SH3PXD2A: variants seen among roughly 807,000 people sequenced by gnomAD.
The protein encoded by SH3PXD2A is SH3 and PX domains 2A.
In SH3PXD2A, 32 loss-of-function variants were observed where a neutral mutation model predicts 115.2. The ratio of observed to expected loss-of-function variants is 0.28; its 90% CI spans 0.21 to 0.37. The LOEUF is 0.37. SH3PXD2A is among the 10% of genes least tolerant of loss of function. The pLI, the probability that SH3PXD2A is intolerant of heterozygous loss-of-function variation, is 1.00. For synonymous variants in SH3PXD2A, 610 were observed against 629.1 expected (o/e 0.97, Z 0.45); for missense variants, 1,328 against 1,498.7 (o/e 0.89, Z 1.88).
chr10:103,610,655 A>C (rs980549536), intron 13 of SH3PXD2A, among the ~76,000 whole-genome samples: 1 of 152,178 alleles, frequency 6.6e-6, no homozygotes, highest in Non-Finnish European at 1.5e-5. Context: ...TGACTTCAGA[A>C]TCCTCCTTAA....
At chr10:103,807,186 T>C (rs2039213497) in intron 1 of SH3PXD2A, among the ~76,000 whole-genome samples, 1 of 152,200 alleles carries the variant, frequency 6.6e-6, no homozygotes, top group Admixed American at 6.5e-5. Flanking sequence ...TGTCCATGAT[T>C]TGATCTGGTC....
chr10:103,636,379 A>C (rs553424810), intron 8 of SH3PXD2A, among the ~76,000 whole-genome samples: 8 of 151,144 alleles, frequency 5.3e-5, no homozygotes, highest in African/African-American at 1.9e-4. Context: ...ACTGCACTCC[A>C]GCCTGGGTGA....
In SH3PXD2A at chr10:103,702,156, ACCATCCATCCACCAT is replaced by A. The variant is rs567867075; in HGVS notation, c.399-9115_399-9101del. On this transcript the variant is annotated intron_variant, in intron 5 of 14. Coordinates refer to ENST00000369774, the MANE Select transcript of SH3PXD2A (RefSeq NM_001394015.1). The stretch of plus-strand genomic sequence containing the variant: ...TCTACCATTCACCCATCATCCATTC[ACCATCCATCCACCAT>A]CCATCCATCCATCATTCATCCACCA... Among the ~76,000 whole-genome samples, 82 of 147,376 alleles carry A rather than the reference ACCATCCATCCACCAT, an allele frequency of 5.6e-4. No homozygotes were observed. In the East Asian group the frequency reaches 0.014, roughly 26 times the overall value.
chr10:103,745,339 A>G (rs974871069), intron 3 of SH3PXD2A, among the ~76,000 whole-genome samples: 8 of 152,188 alleles, frequency 5.3e-5, no homozygotes, highest in Admixed American at 2.6e-4. Context: ...TTCTTAAGCC[A>G]GATTGAGATG....
intron 3 of SH3PXD2A, among the ~76,000 whole-genome samples, chr10:103,750,549 C>A (rs963231064): frequency 6.6e-6 from 1 of 152,114 alleles, no homozygotes; most frequent in African/African-American, 2.4e-5. Context: ...ATGGACAGGG[C>A]GAGAGTCTGC....
chr10:103,723,222 AC>A (rs1321580139), intron 5 of SH3PXD2A, among the ~76,000 whole-genome samples: 1 of 151,948 alleles, frequency 6.6e-6, no homozygotes, highest in Non-Finnish European at 1.5e-5. Context: ...TGTAGTAGCC[AC>A]CCCATCTGCC....
chr10:103,674,454 A>G (rs2037502209), intron 6 of SH3PXD2A, among the ~76,000 whole-genome samples: 1 of 152,220 alleles, frequency 6.6e-6, no homozygotes, highest in Non-Finnish European at 1.5e-5. Flanking sequence ...CTGAGGCGTA[A>G]CAGTGAAAGC....
chr10:103,795,044 T>G (rs564108781), intron 2 of SH3PXD2A, among the ~76,000 whole-genome samples: 1 of 152,134 alleles, frequency 6.6e-6, no homozygotes, highest in Admixed American at 6.5e-5. Flanking sequence ...CTGTTGTGTG[T>G]TCAAAGTTGT....
At chr10:103,744,155 T>TTTTA (rs2134195483) in intron 3 of SH3PXD2A, among the ~76,000 whole-genome samples, 1 of 100,034 alleles carries the variant, frequency 1.0e-5, no homozygotes, top group South Asian at 2.5e-4. Context: ...CCTGCTTGTC[T>TTTTA]TTTTTTTTTT....
chr10:103,839,651 C>T (rs2039578708), intron 1 of SH3PXD2A, among the ~76,000 whole-genome samples: 1 of 151,974 alleles, frequency 6.6e-6, no homozygotes, highest in Non-Finnish European at 1.5e-5. Flanking sequence ...CCACGCAGCC[C>T]CTGAGTGGCA....
intron 7 of SH3PXD2A, among the ~76,000 whole-genome samples, chr10:103,662,447 C>T (rs1260814922): frequency 2.4e-5 from 3 of 126,188 alleles, no homozygotes; most frequent in South Asian, 5.1e-4. Context: ...GGCCGGACTG[C>T]GGACTGCAGT....
At chr10:103,685,183 C>CA (rs1220282576) in intron 6 of SH3PXD2A, among the ~76,000 whole-genome samples, 1 of 151,770 alleles carries the variant, frequency 6.6e-6, no homozygotes, top group African/African-American at 2.4e-5. Flanking sequence ...ACTAAAAATA[C>CA]AAAAAATTAG....
At chr10:103,771,882 G>A (rs1362932847) in intron 2 of SH3PXD2A, among the ~76,000 whole-genome samples, 4 of 152,074 alleles carry the variant, frequency 2.6e-5, no homozygotes, top group Non-Finnish European at 5.9e-5. Context: ...GCAGGTCTGG[G>A]CAGGACCTCA....
chr10:103,773,224 C>CAAAA (rs386372322), intron 2 of SH3PXD2A, among the ~76,000 whole-genome samples: 3 of 114,860 alleles, frequency 2.6e-5, no homozygotes, highest in African/African-American at 6.4e-5. Flanking sequence ...AACTCTGTCT[C>CAAAA]AAAAAAAAAA....
chr10:103,630,552 A>C (rs756009633), intron 8 of SH3PXD2A, among the ~76,000 whole-genome samples: 1 of 152,044 alleles, frequency 6.6e-6, no homozygotes, highest in Non-Finnish European at 1.5e-5. Context: ...AGTCCCACAA[A>C]ACTCAGGAAT....
chr10:103,730,592 T>C, intron 4 of SH3PXD2A, among the ~76,000 whole-genome samples: 1 of 152,172 alleles, frequency 6.6e-6, no homozygotes, highest in East Asian at 1.9e-4. Context: ...GTCTAATTCT[T>C]GGTAGCAGTT....
intron 1 of SH3PXD2A, among the ~76,000 whole-genome samples, chr10:103,846,707 G>C (rs549753792): frequency 3.9e-5 from 6 of 152,330 alleles, no homozygotes; most frequent in African/African-American, 1.4e-4. Context: ...GTTCTAGAAG[G>C]GGGAGGTGAC....
intron 5 of SH3PXD2A, among the ~76,000 whole-genome samples, chr10:103,711,742 AGT>A (rs1425701035): frequency 1.3e-5 from 2 of 152,156 alleles, no homozygotes; most frequent in Non-Finnish European, 2.9e-5. Context: ...CAAAACCTGG[AGT>A]TTGGAAGAAT....
At position 103,683,170 on chromosome 10, in the gene SH3PXD2A, G is replaced by A. The variant is rs541246273; in HGVS notation, c.427+9858C>T. The stretch of plus-strand genomic sequence containing the variant: ...AGGCCTGGAATTCAACACCAGCCTG[G>A]GCAACAAAGCGAGACCCTGTTTCTA... On this transcript the variant is annotated intron_variant, in intron 6 of 14. Coordinates refer to ENST00000369774, the MANE Select transcript of SH3PXD2A (RefSeq NM_001394015.1). Among the ~76,000 whole-genome samples, 289 of 152,036 alleles carry A rather than the reference G, an allele frequency of 1.9e-3. 1 individual carries two copies. Among genetic ancestry groups the A allele is most frequent in the Middle Eastern group, 3.4e-3 (1 of 294 alleles).
Sources: allele counts gnomAD v4.1 joint callset (sites outside exome capture counted in the v4.1 genomes callset), GRCh38; gene constraint gnomAD v4.1.1; transcripts MANE v1.5; gene names NCBI Gene and HGNC (gene_info 2026-07-23, HGNC 2026-07-21).